The following ULK4 variants were observed in gnomAD, a reference collection of about 807,000 sequenced individuals.
The protein encoded by ULK4 is unc-51 like kinase 4.
A neutral mutation model predicts 160.6 loss-of-function variants in ULK4; 133 were observed. The observed-to-expected ratio is 0.83, with a 90% CI of 0.72 to 0.96. The LOEUF is 0.96. Among genes scored for constraint, ULK4 ranks in the 40% least tolerant of loss-of-function variants. ULK4 has a pLI of 0.00. For missense variants in ULK4, 1,580 were observed against 1,499.5 expected (o/e 1.05, Z -0.89); for synonymous variants, 534 against 539.8 (o/e 0.99, Z 0.15).
At chr3:41,587,276 A>C (rs2030896605) in intron 31 of ULK4, among the ~76,000 whole-genome samples, 1 of 152,118 alleles carries the variant, frequency 6.6e-6, no homozygotes, top group Non-Finnish European at 1.5e-5. Context: ...TCATATTTTG[A>C]GTATCTCTGA....
intron 27 of ULK4, among the ~76,000 whole-genome samples, chr3:41,699,874 C>T (rs1185341357): frequency 1.3e-5 from 2 of 152,180 alleles, no homozygotes; most frequent in African/African-American, 4.8e-5. Context: ...CTAATAGACG[C>T]TGTAGTTACA....
At chr3:41,384,783 C>T (rs1041392835) in intron 35 of ULK4, among the ~76,000 whole-genome samples, 3 of 152,188 alleles carry the variant, frequency 2.0e-5, no homozygotes, top group Non-Finnish European at 4.4e-5. Flanking sequence ...TGGAGTTTCA[C>T]CATGTTAGCC....
intron 2 of ULK4, among the ~76,000 whole-genome samples, chr3:41,945,843 GT>G (rs1700096305): frequency 6.6e-6 from 1 of 152,064 alleles, no homozygotes; most frequent in African/African-American, 2.4e-5. Flanking sequence ...TCTTAGTCAT[GT>G]AGGCCAAAAC....
At chr3:41,651,805 A>G (rs1412586345) in intron 30 of ULK4, among the ~76,000 whole-genome samples, 7 of 152,198 alleles carry the variant, frequency 4.6e-5, no homozygotes, top group African/African-American at 1.7e-4. Context: ...ATTAGTGTTG[A>G]TTGTAGCCCC....
At chr3:41,906,328 C>G (rs2148797546) in intron 12 of ULK4, among the ~76,000 whole-genome samples, 1 of 151,510 alleles carries the variant, frequency 6.6e-6, no homozygotes, top group South Asian at 2.1e-4. Context: ...AGTTTGAGAC[C>G]AGCTTACGCA....
chr3:41,716,202 G>A (rs1264136619), intron 23 of ULK4, among the ~76,000 whole-genome samples: 1 of 134,524 alleles, frequency 7.4e-6, no homozygotes, highest in Non-Finnish European at 1.5e-5. Flanking sequence ...GACAGAGCAA[G>A]ACTCTGTCTC....
intron 32 of ULK4, among the ~76,000 whole-genome samples, chr3:41,541,076 T>C (rs146694369): frequency 0.018 from 2,713 of 152,308 alleles, 86 homozygotes; most frequent in African/African-American, 0.063. Context: ...GCCATTGCTT[T>C]TGGTATTTTA....
At chr3:41,368,975 T>C (rs1203849994) in intron 35 of ULK4, among the ~76,000 whole-genome samples, 2 of 152,234 alleles carry the variant, frequency 1.3e-5, no homozygotes, top group East Asian at 3.8e-4. Context: ...ACCTAGAGCA[T>C]ATGGTTCTCT....
At chr3:41,258,875 A>C (rs1448093262) in intron 35 of ULK4, among the ~76,000 whole-genome samples, 4 of 151,740 alleles carry the variant, frequency 2.6e-5, no homozygotes, top group Admixed American at 6.6e-5. Context: ...TTTAAAGGAA[A>C]AATCATAAAA....
At chr3:41,481,508 T>C (rs1370969571) in intron 32 of ULK4, among the ~76,000 whole-genome samples, 9 of 152,138 alleles carry the variant, frequency 5.9e-5, no homozygotes, top group Non-Finnish European at 1.2e-4. Flanking sequence ...CTTAGGAATG[T>C]CCTGATATCC....
At chr3:41,736,908 T>C (rs1303401812) in intron 22 of ULK4, among the ~76,000 whole-genome samples, 1 of 151,900 alleles carries the variant, frequency 6.6e-6, no homozygotes, top group East Asian at 1.9e-4. Flanking sequence ...GCTTTCTACA[T>C]ATGGCTAGCC....
At chr3:41,572,276 A>C (rs1171425461) in intron 31 of ULK4, among the ~76,000 whole-genome samples, 1 of 152,090 alleles carries the variant, frequency 6.6e-6, no homozygotes, top group African/African-American at 2.4e-5. Context: ...AGGTTAACCA[A>C]CACCACCTGT....
At chr3:41,295,150 T>C (rs79130566) in intron 35 of ULK4, among the ~76,000 whole-genome samples, 2,989 of 152,256 alleles carry the variant, frequency 0.02, 41 homozygotes, top group Non-Finnish European at 0.027. Context: ...CCCACATAAA[T>C]ACAGTCAACT....
intron 11 of ULK4, among the ~76,000 whole-genome samples, chr3:41,908,774 C>T (rs1457429643): frequency 6.6e-6 from 1 of 152,004 alleles, no homozygotes; most frequent in African/African-American, 2.4e-5. Flanking sequence ...AAATCCTTCC[C>T]ATCAGATCAT....
chr3:41,495,078 A>T (rs1030263254), intron 32 of ULK4, among the ~76,000 whole-genome samples: 89 of 152,264 alleles, frequency 5.8e-4, no homozygotes, highest in Middle Eastern at 3.4e-3. Flanking sequence ...TGGAAAAAAC[A>T]ACTTTCAAGT....
At chr3:41,843,602 G>A (rs193170715) in intron 17 of ULK4, among the ~76,000 whole-genome samples, 97 of 152,172 alleles carry the variant, frequency 6.4e-4, no homozygotes, top group Admixed American at 3.7e-3. Flanking sequence ...GTGGGTTCCT[G>A]GTCTCCCTGG....
intron 30 of ULK4, among the ~76,000 whole-genome samples, chr3:41,649,938 T>C (rs2125737502): frequency 6.6e-6 from 1 of 152,304 alleles, no homozygotes; most frequent in South Asian, 2.1e-4. Context: ...AACTTCCTTC[T>C]CAGCCCATGA....
chr3:41,830,267 G>A (rs975054757), intron 18 of ULK4, among the ~76,000 whole-genome samples: 2 of 151,934 alleles, frequency 1.3e-5, no homozygotes, highest in African/African-American at 4.8e-5. Context: ...TGCATGTTAT[G>A]CACATGTACC....
At chr3:41,897,638 C>T (rs1442540908) in intron 14 of ULK4, among the ~76,000 whole-genome samples, 4 of 152,070 alleles carry the variant, frequency 2.6e-5, no homozygotes, top group Non-Finnish European at 4.4e-5. Flanking sequence ...TCTAGGTTTG[C>T]GTAAATAGTC....
Sources: allele counts gnomAD v4.1 joint callset (sites outside exome capture counted in the v4.1 genomes callset), GRCh38; gene constraint gnomAD v4.1.1; transcripts MANE v1.5; gene names NCBI Gene and HGNC (gene_info 2026-07-23, HGNC 2026-07-21).